Variants in TMEM68 observed in about 807,000 individuals in gnomAD.
TMEM68 encodes the protein DGAT1/2-independent enzyme synthesizing storage lipids.
TMEM68 carries 25 observed loss-of-function variants against 36.9 expected under a neutral mutation model. The observed-to-expected ratio is 0.68, with a 90% CI of 0.49 to 0.95. The LOEUF (loss-of-function observed/expected upper bound fraction) is 0.95. Among genes scored for constraint, TMEM68 ranks in the 40% least tolerant of loss-of-function variants. The pLI is 0.00. For missense variants in TMEM68, 333 were observed against 392.0 expected (o/e 0.85, Z 1.27); for synonymous variants, 131 against 124.4 (o/e 1.05, Z -0.35).
rs149927946 is a variant in TMEM68, at chr8:55,740,029, A to T, written c.*103T>A. 3,696 of 814,142 alleles carry T rather than the reference A, an allele frequency of 4.5e-3. 12 individuals carry two copies. Among genetic ancestry groups the T allele is most frequent in the Non-Finnish European group, 5.8e-3 (3,129 of 542,948 alleles). 50.4% of individuals were successfully genotyped at this position (814,142 alleles called of 1,614,324 possible). On this transcript the variant is annotated 3_prime_UTR_variant, in exon 8 of 8. Coordinates refer to ENST00000434581, the MANE Select transcript of TMEM68 (RefSeq NM_001286657.2). ...AGATGCTTATTAACATGATTTTTTT[A>T]AAAAATACTAATTATAGGACCTACA...
rs762862313 is a variant in TMEM68 at position 55,751,021 on chromosome 8, A to G, written c.630T>C (p.Tyr210=). 7.4e-6 allele frequency: 12 copies of G among 1,614,046 alleles called. No individual in the cohort carries two copies. The highest frequency in any genetic ancestry group is 1.7e-5 in the Admixed American group (1 of 59,940). Residue 210 remains tyrosine (Y), a synonymous_variant, in exon 5 of 8, where the codon TAT becomes TAC. Transcript: ENST00000434581. ...VREALISDET[Y]NIVWGHRRGF... ...CTCTGCGATGACCCCATACGATGTT[A>G]TAAGTTTCATCACTAATTAGGGCTT...
At position 55,771,113 on chromosome 8, in the gene TMEM68, C is replaced by A. The variant is rs1453677713; in HGVS notation, c.-115+2156G>T. Among the ~76,000 whole-genome samples the A allele has an allele frequency of 2.7e-5, 4 of 150,548 alleles. No individual in the cohort carries two copies. The East Asian group carries it at 7.8e-4, about 29-fold the overall frequency. Reference sequence around the variant, plus strand: ...AAGTTGCGGTGAGCCAAGATCGCACCATTGCACTCCAGCCTAGGCAACAAA... The same window carrying A: ...AAGTTGCGGTGAGCCAAGATCGCACAATTGCACTCCAGCCTAGGCAACAAA... On this transcript the variant is annotated intron_variant, in intron 1 of 7. Coordinates refer to ENST00000434581, the MANE Select transcript of TMEM68 (RefSeq NM_001286657.2).
intron 5 of TMEM68, 97 bp downstream of exon 5, chr8:55,750,867 A>T: frequency 8.0e-7 from 1 of 1,254,824 alleles, no homozygotes; most frequent in Non-Finnish European, 1.1e-6. Context: ...TATTGCAGCG[A>T]AAGTGTCTAA....
chr8:55,766,973 A>T lies in TMEM68; in HGVS notation c.-114-2993T>A, dbSNP rs180680506. On this transcript the variant is annotated intron_variant, in intron 1 of 7. Coordinates refer to ENST00000434581, the MANE Select transcript of TMEM68 (RefSeq NM_001286657.2). ...TGGTGTTTTGGCAACCTGAGTTTGT[A>T]TCCTGGGAGGCTCTGCCACTTACCA... Among the ~76,000 whole-genome samples the T allele has an allele frequency of 4.8e-4, 73 of 152,284 alleles. No homozygotes were observed. The East Asian group carries it at 0.012, about 24-fold the overall frequency.
chr8:55,772,176 G>T (rs535304743), intron 1 of TMEM68, among the ~76,000 whole-genome samples: 20 of 152,312 alleles, frequency 1.3e-4, no homozygotes, highest in African/African-American at 4.6e-4. Flanking sequence ...CAGCAGTAAG[G>T]AGGTGGGAAT....
At chr8:55,747,939 T>A (rs1247169133) in intron 5 of TMEM68, 1 of 152,140 alleles carries the variant, frequency 6.6e-6, no homozygotes, top group Non-Finnish European at 1.5e-5. Context: ...CAGAATTCTG[T>A]ATTGATGTAT....
At chr8:55,759,727 A>C (rs1810725066) in intron 3 of TMEM68, among the ~76,000 whole-genome samples, 1 of 152,238 alleles carries the variant, frequency 6.6e-6, no homozygotes, top group African/African-American at 2.4e-5. Flanking sequence ...TCACAAACAT[A>C]AGACTTCATT....
At position 55,754,604 on chromosome 8, in the gene TMEM68, ATATT is replaced by A. The variant is rs1374321542; in HGVS notation, c.493+1636_493+1639del. 1.4e-3 allele frequency among the ~76,000 whole-genome samples: 190 copies of A among 134,024 alleles called. 2 individuals carry two copies. Among genetic ancestry groups the A allele is most frequent in the African/African-American group, 4.4e-3 (155 of 34,838 alleles). The allele number at this position is 134,024 out of a possible 152,430, so 87.9% of individuals were successfully genotyped here. ...ATAAAATACATATATTATGTAATAT[ATATT>A]TATATTATATATAAAATACATACAT... On this transcript the variant is annotated intron_variant, in intron 4 of 7. Coordinates refer to ENST00000434581, the MANE Select transcript of TMEM68 (RefSeq NM_001286657.2).
At chr8:55,744,903 G>A (rs368338499) in intron 6 of TMEM68, among the ~76,000 whole-genome samples, 158 bp downstream of exon 6, 11 of 152,080 alleles carry the variant, frequency 7.2e-5, no homozygotes, top group African/African-American at 2.2e-4. Flanking sequence ...CTGTCATTAC[G>A]TAGAACTAGT....
chr8:55,770,382 A>G (rs113466505), intron 1 of TMEM68, among the ~76,000 whole-genome samples: 251 of 152,300 alleles, frequency 1.6e-3, no homozygotes, highest in Non-Finnish European at 3.0e-3. Context: ...ATTTTAATCC[A>G]AGAAAAATGA....
chr8:55,742,503 C>G (rs1810133844), intron 7 of TMEM68, among the ~76,000 whole-genome samples: 1 of 151,710 alleles, frequency 6.6e-6, no homozygotes, highest in South Asian at 2.1e-4. Context: ...ATATATATAC[C>G]AAAGACTATA....
chr8:55,767,708 C>A (rs753677475), intron 1 of TMEM68, among the ~76,000 whole-genome samples: 43 of 151,968 alleles, frequency 2.8e-4, no homozygotes, highest in Non-Finnish European at 3.4e-4. Flanking sequence ...GAGGCCGAGG[C>A]GGGAGGATCA....
In TMEM68 at chr8:55,740,065, G is replaced by T. The variant is rs1329530358; in HGVS notation, c.*67C>A. On this transcript the variant is annotated 3_prime_UTR_variant, in exon 8 of 8. Transcript: ENST00000434581. Reference sequence around the variant, plus strand: ...ATTATAGGACCTACAAAATTCAGAAGACAGTACCTTAGATACAAACATTTA... The same window carrying T: ...ATTATAGGACCTACAAAATTCAGAATACAGTACCTTAGATACAAACATTTA... 1.6e-6 allele frequency: 2 copies of T among 1,285,232 alleles called. No homozygotes were observed. Among genetic ancestry groups the T allele is most frequent in the East Asian group, 4.7e-5 (2 of 42,314 alleles). The allele number at this position is 1,285,232 out of a possible 1,614,324, so 79.6% of individuals were successfully genotyped here. A position where few individuals can be genotyped will look rare whatever the true frequency, so the allele number is the denominator to read the frequency against.
rs1479828432 is a variant in TMEM68, at chr8:55,746,372, C to G, written c.688-1251G>C. ...CTCCATAATTGATTGTAGAGAATTT[C>G]TGCTAATAAGTTCATGATTTTTATT... On this transcript the variant is annotated intron_variant, in intron 5 of 7. Transcript: ENST00000434581. 4.6e-5 allele frequency: 6 copies of G among 130,094 alleles called. No individual in the cohort carries two copies. In the South Asian group the frequency reaches 1.1e-3, roughly 23 times the overall value. 8.1% of individuals were successfully genotyped at this position (130,094 alleles called of 1,614,324 possible).
intron 5 of TMEM68, 127 bp downstream of exon 5, chr8:55,750,837 C>A: frequency 1.1e-6 from 1 of 897,726 alleles, no homozygotes; most frequent in Non-Finnish European, 1.6e-6. Flanking sequence ...CACACTCGGC[C>A]TACATACTAA....
Position 55,743,334 on chromosome 8 carries a change from A to T in TMEM68, c.888+147T>A, listed in dbSNP as rs1810162097. ...ACAATAAGTCTCCAGGGATTAGCAA[A>T]TGTTCCCTAGGGTATACAATCACCT... On this transcript the variant is annotated intron_variant, in intron 7 of 7. Transcript: ENST00000434581. 8.6e-6 allele frequency: 9 copies of T among 1,043,284 alleles called. No homozygotes were observed. In the South Asian group the frequency reaches 1.6e-4, roughly 18 times the overall value. 64.6% of individuals were successfully genotyped at this position (1,043,284 alleles called of 1,614,324 possible).
intron 4 of TMEM68, among the ~76,000 whole-genome samples, chr8:55,754,785 TATA>T (rs1221717197): frequency 5.8e-5 from 3 of 52,022 alleles, no homozygotes; most frequent in Non-Finnish European, 1.1e-4. Context: ...TTATATTATA[TATA>T]AAATACATAT....
At chr8:55,762,601 A>G (rs1378733735) in intron 3 of TMEM68, 34 bp downstream of exon 3, 1 of 1,613,564 alleles carries the variant, frequency 6.2e-7, no homozygotes, top group Non-Finnish European at 8.5e-7. Flanking sequence ...GCACACATGA[A>G]TGGCAACACA....
intron 3 of TMEM68, chr8:55,761,157 C>T (rs568882354): frequency 6.6e-6 from 1 of 152,302 alleles, no homozygotes; most frequent in East Asian, 1.9e-4. Context: ...TTAACTGTGT[C>T]ACTCTTAGAG....
Sources: gnomAD v4.1 joint callset for allele counts (sites outside exome capture counted in the v4.1 genomes callset) on GRCh38, gnomAD v4.1.1 for gene constraint, MANE v1.5 for transcripts, NCBI Gene and HGNC (gene_info 2026-07-23, HGNC 2026-07-21) for gene names.